The following PDE3A variants were observed in gnomAD, a reference collection of about 807,000 sequenced individuals.
PDE3A encodes phosphodiesterase 3A.
A neutral mutation model predicts 98.3 loss-of-function variants in PDE3A; 43 were observed. The ratio of observed to expected loss-of-function variants is 0.44; its 90% confidence interval spans 0.34 to 0.56. The LOEUF (loss-of-function observed/expected upper bound fraction) is 0.56. Ranked by LOEUF, PDE3A falls within the 20% of genes least tolerant of loss-of-function variation. The pLI is 0.01. For missense variants in PDE3A, 1,427 were observed against 1,440.7 expected (o/e 0.99, Z 0.15); for synonymous variants, 663 against 567.9 (o/e 1.17, Z -2.38).
At chr12:20,390,592 A>C (rs1943895459) in intron 1 of PDE3A, among the ~76,000 whole-genome samples, 1 of 151,890 alleles carries the variant, frequency 6.6e-6, no homozygotes, top group South Asian at 2.1e-4. Context: ...TCACTGAGAA[A>C]AAAAAGCATC....
At chr12:20,380,445 C>G (rs1362698492) in intron 1 of PDE3A, among the ~76,000 whole-genome samples, 2 of 151,712 alleles carry the variant, frequency 1.3e-5, no homozygotes, top group Non-Finnish European at 2.9e-5. Flanking sequence ...TTTGGTCCAC[C>G]TACTTTTTAA....
At chr12:20,476,082 G>T (rs1473528369) in intron 1 of PDE3A, among the ~76,000 whole-genome samples, 1 of 152,092 alleles carries the variant, frequency 6.6e-6, no homozygotes. Context: ...AAATTTCTTT[G>T]CTTTAACCAT....
At chr12:20,579,334 G>A (rs1270359230) in intron 2 of PDE3A, among the ~76,000 whole-genome samples, 1 of 152,054 alleles carries the variant, frequency 6.6e-6, no homozygotes, top group African/African-American at 2.4e-5. Context: ...GCCCTTCCCA[G>A]TTCTTCTCCT....
At chr12:20,643,549 C>G (rs1158972134) in intron 10 of PDE3A, among the ~76,000 whole-genome samples, 2 of 152,142 alleles carry the variant, frequency 1.3e-5, no homozygotes, top group Middle Eastern at 3.2e-3. Context: ...TGATTGATGA[C>G]AGTATTATTC....
intron 15 of PDE3A, among the ~76,000 whole-genome samples, chr12:20,663,700 G>A (rs1179451172): frequency 6.6e-6 from 1 of 152,210 alleles, no homozygotes; most frequent in Non-Finnish European, 1.5e-5. Flanking sequence ...TATCTGGGAA[G>A]TAACTAACTT....
intron 1 of PDE3A, among the ~76,000 whole-genome samples, chr12:20,460,121 T>C (rs1392271320): frequency 2.6e-5 from 4 of 151,990 alleles, no homozygotes; most frequent in Admixed American, 6.6e-5. Flanking sequence ...CAGAAAAAAA[T>C]AGCCTATACT....
chr12:20,405,513 G>A (rs1396161665), intron 1 of PDE3A, among the ~76,000 whole-genome samples: 1 of 152,040 alleles, frequency 6.6e-6, no homozygotes, highest in Admixed American at 6.6e-5. Flanking sequence ...TCACAGTTTA[G>A]CATTTCCTTA....
intron 1 of PDE3A, among the ~76,000 whole-genome samples, chr12:20,414,415 TTC>T (rs1222883901): frequency 2.0e-5 from 3 of 152,190 alleles, no homozygotes; most frequent in African/African-American, 7.2e-5. Flanking sequence ...TGAAATGAAA[TTC>T]TGTCAGACTG....
At chr12:20,628,774 A>G (rs4378443) in intron 5 of PDE3A, among the ~76,000 whole-genome samples, 68,852 of 152,124 alleles carry the variant, frequency 0.45, 16,754 homozygotes, top group South Asian at 0.62. Context: ...ACAAGAAATT[A>G]AAAAGAAAAT....
rs756388848 is a variant in PDE3A at position 20,370,020 on chromosome 12, G to C, written c.736G>C (p.Val246Leu). The C allele has an allele frequency of 2.5e-5, 41 of 1,612,880 alleles. No homozygotes were observed. Among genetic ancestry groups the C allele is most frequent in the African/African-American group, 2.5e-4 (19 of 74,930 alleles). Residue 246 changes from valine to leucine, a missense_variant, in exon 1 of 16, where the codon GTG becomes CTG. Transcript: ENST00000359062. ...WRPYLAYLAGVLGILLARYVE... is the reference protein window; with the variant it reads ...WRPYLAYLAGLLGILLARYVE... Reference sequence around the variant, plus strand: ...ACCTTACCTGGCGTACCTGGCCGGCGTGCTGGGGATCCTCTTGGCCAGGTA... The same window carrying C: ...ACCTTACCTGGCGTACCTGGCCGGCCTGCTGGGGATCCTCTTGGCCAGGTA...
chr12:20,666,823 T>C (rs1945326965), intron 15 of PDE3A, among the ~76,000 whole-genome samples: 2 of 152,238 alleles, frequency 1.3e-5, no homozygotes, highest in African/African-American at 4.8e-5. Context: ...CATATGGTAG[T>C]TCTCTTTTGA....
At chr12:20,654,227 T>A in intron 15 of PDE3A, 22 bp downstream of exon 15, 4 of 1,609,562 alleles carry the variant, frequency 2.5e-6, no homozygotes, top group South Asian at 1.1e-5. Context: ...AACCTAGTTC[T>A]AATGTGTTTT....
At chr12:20,435,291 C>T (rs776098290) in intron 1 of PDE3A, among the ~76,000 whole-genome samples, 16 of 152,104 alleles carry the variant, frequency 1.1e-4, no homozygotes, top group Admixed American at 5.9e-4. Context: ...GTATTCAGGT[C>T]GATTAAAAAT....
chr12:20,405,366 T>C (rs1200492943), intron 1 of PDE3A, among the ~76,000 whole-genome samples: 4 of 152,192 alleles, frequency 2.6e-5, no homozygotes, highest in Non-Finnish European at 4.4e-5. Flanking sequence ...GTCCTTGGGA[T>C]GACCTAAATT....
At chr12:20,419,814 C>T (rs1194246071) in intron 1 of PDE3A, among the ~76,000 whole-genome samples, 1 of 146,394 alleles carries the variant, frequency 6.8e-6, no homozygotes, top group Admixed American at 7.0e-5. Context: ...TCTCGGCTCA[C>T]TGCAACATCT....
intron 15 of PDE3A, among the ~76,000 whole-genome samples, chr12:20,666,325 A>G (rs1945311070): frequency 6.6e-6 from 1 of 152,198 alleles, no homozygotes; most frequent in African/African-American, 2.4e-5. Context: ...AGTATGCAAT[A>G]CATTATTTTT....
intron 2 of PDE3A, among the ~76,000 whole-genome samples, chr12:20,577,763 G>A (rs1397678663): frequency 6.6e-6 from 1 of 152,140 alleles, no homozygotes; most frequent in African/African-American, 2.4e-5. Flanking sequence ...CTGTGGCACA[G>A]AAATGGAATT....
intron 2 of PDE3A, among the ~76,000 whole-genome samples, chr12:20,564,574 C>T (rs143425457): frequency 3.3e-5 from 5 of 152,080 alleles, no homozygotes; most frequent in African/African-American, 1.2e-4. Flanking sequence ...TTAAGTGATT[C>T]GCAGGAGGAA....
At chr12:20,536,677 T>C (rs1208175058) in intron 1 of PDE3A, among the ~76,000 whole-genome samples, 1 of 152,116 alleles carries the variant, frequency 6.6e-6, no homozygotes, top group Non-Finnish European at 1.5e-5. Flanking sequence ...CTTAGCATAA[T>C]GTTTTGAAGG....
Sources: allele counts gnomAD v4.1 joint callset (sites outside exome capture counted in the v4.1 genomes callset), GRCh38; gene constraint gnomAD v4.1.1; transcripts MANE v1.5; gene names NCBI Gene and HGNC (gene_info 2026-07-23, HGNC 2026-07-21).